ELMO1: variants seen among roughly 807,000 people sequenced by gnomAD.
ELMO1 encodes engulfment and cell motility 1.
Under a neutral mutation model 98.9 loss-of-function variants are expected in ELMO1, and 26 were observed. The ratio of observed to expected loss-of-function variants is 0.26; its 90% confidence interval spans 0.19 to 0.36. The LOEUF (loss-of-function observed/expected upper bound fraction) is 0.36, where lower values mean the gene tolerates loss of function less well. ELMO1 is among the 10% of genes least tolerant of loss of function. The pLI, the probability that ELMO1 is intolerant of heterozygous loss-of-function variation, is 1.00. For missense variants in ELMO1, 627 were observed against 935.2 expected (o/e 0.67, Z 4.30); for synonymous variants, 346 against 346.0 (o/e 1.00, Z 0.00).
intron 16 of ELMO1, among the ~76,000 whole-genome samples, chr7:36,941,375 GCT>G (rs1787020878): frequency 1.3e-5 from 2 of 152,312 alleles, no homozygotes; most frequent in South Asian, 4.1e-4. Context: ...TTCAGAGTAA[GCT>G]CTGGGTTACA....
intron 14 of ELMO1, among the ~76,000 whole-genome samples, chr7:37,112,503 A>G (rs1395296490): frequency 2.0e-5 from 3 of 152,206 alleles, no homozygotes; most frequent in Non-Finnish European, 2.9e-5. Context: ...GATCTTGGCA[A>G]ATGCAAGTTT....
intron 8 of ELMO1, among the ~76,000 whole-genome samples, chr7:37,229,265 C>T (rs577766281): frequency 6.6e-6 from 1 of 152,028 alleles, no homozygotes. Flanking sequence ...AGGGAAAAAC[C>T]AACTCATAAC....
intron 14 of ELMO1, among the ~76,000 whole-genome samples, chr7:37,132,158 C>CTGGTTT (rs1378973816): frequency 6.6e-6 from 1 of 152,162 alleles, no homozygotes; most frequent in Non-Finnish European, 1.5e-5. Context: ...ACACTGACAT[C>CTGGTTT]ACTAGATGAT....
chr7:37,208,682 T>C (rs960537956), intron 13 of ELMO1, among the ~76,000 whole-genome samples: 3 of 152,338 alleles, frequency 2.0e-5, no homozygotes, highest in South Asian at 2.1e-4. Flanking sequence ...CATGCGGTTC[T>C]GTTTACTGAG....
chr7:37,237,904 A>G (rs1794564925), intron 7 of ELMO1, among the ~76,000 whole-genome samples: 2 of 152,206 alleles, frequency 1.3e-5, no homozygotes, highest in African/African-American at 4.8e-5. Context: ...TGATCTGTTT[A>G]TCTACCCCCT....
chr7:36,919,759 A>G (rs1338011141), intron 16 of ELMO1, among the ~76,000 whole-genome samples: 3 of 152,256 alleles, frequency 2.0e-5, no homozygotes, highest in African/African-American at 7.2e-5. Context: ...CACGGGGAAG[A>G]GTTTCTGCAA....
chr7:37,070,577 G>A (rs1458993836), intron 15 of ELMO1, among the ~76,000 whole-genome samples: 1 of 152,164 alleles, frequency 6.6e-6, no homozygotes, highest in African/African-American at 2.4e-5. Context: ...ACCAAGATCA[G>A]CAAATACACG....
At chr7:36,991,824 T>A (rs980302454) in intron 16 of ELMO1, among the ~76,000 whole-genome samples, 6 of 152,154 alleles carry the variant, frequency 3.9e-5, no homozygotes, top group African/African-American at 1.4e-4. Flanking sequence ...CATGGGCCTA[T>A]GCTATAAAAG....
intron 1 of ELMO1, among the ~76,000 whole-genome samples, chr7:37,403,333 G>A (rs1411623400): frequency 6.6e-6 from 1 of 152,084 alleles, no homozygotes; most frequent in Non-Finnish European, 1.5e-5. Flanking sequence ...TGAGGTAGGA[G>A]GATCACTGGA....
intron 4 of ELMO1, among the ~76,000 whole-genome samples, chr7:37,275,768 T>A (rs1360406430): frequency 6.6e-6 from 1 of 152,214 alleles, no homozygotes; most frequent in African/African-American, 2.4e-5. Flanking sequence ...AGGAGATATG[T>A]AGAACTACTA....
intron 15 of ELMO1, chr7:37,033,198 C>G: frequency 1.2e-5 from 4 of 325,962 alleles, no homozygotes; most frequent in East Asian, 7.9e-5. Context: ...GTGTGCAGTT[C>G]TGGGTGGGTT....
rs184116156 is a variant in ELMO1, at chr7:37,001,041, T to C, written c.1437+12258A>G. ...TTTCTTTTGCAAAAGTTCAATGTCT[T>C]TGAAGCTTTCTATTCACCTTATATA... On this transcript the variant is annotated intron_variant, in intron 16 of 21. Coordinates refer to ENST00000310758, the MANE Select transcript of ELMO1 (RefSeq NM_014800.11). Among the ~76,000 whole-genome samples the C allele has an allele frequency of 1.2e-4, 19 of 152,256 alleles. No homozygotes were observed. The East Asian group carries it at 3.5e-3, about 28-fold the overall frequency.
chr7:37,339,664 T>C (rs1800612208), intron 2 of ELMO1, among the ~76,000 whole-genome samples: 1 of 151,992 alleles, frequency 6.6e-6, no homozygotes, highest in Non-Finnish European at 1.5e-5. Flanking sequence ...AGAAACAACA[T>C]CTGACAGCAA....
At chr7:36,892,174 A>G (rs1183160403) in intron 17 of ELMO1, among the ~76,000 whole-genome samples, 2 of 152,222 alleles carry the variant, frequency 1.3e-5, no homozygotes, top group Non-Finnish European at 2.9e-5. Context: ...AGTGGTCTGC[A>G]TGGAGCTGAG....
Position 37,259,188 on chromosome 7 carries a change from C to T in ELMO1, c.406G>A (p.Gly136Ser), listed in dbSNP as rs1043529201. 4 of 1,613,160 alleles carry T rather than the reference C, an allele frequency of 2.5e-6. No homozygotes were observed. The highest frequency in any genetic ancestry group is 3.4e-6 in the Non-Finnish European group (4 of 1,179,546). ...ISLLTQMVES[G>S]TERYQKLQKI... The stretch of plus-strand genomic sequence containing the variant: ...AGGAAAAAAGACGCTTACTCAGTGC[C>T]GCTCTCCACCATCTGCGTGAGGAGA... The change falls in exon 6 of 22, where the codon GGC (glycine) becomes AGC (serine). Residue 136 changes from glycine (G) to serine (S), a missense_variant. This residue lies in a region of ELMO1 where 12 missense variants were observed against 48.6 expected (regional missense o/e 0.25). Coordinates refer to ENST00000310758, the MANE Select transcript of ELMO1 (RefSeq NM_014800.11).
intron 1 of ELMO1, among the ~76,000 whole-genome samples, chr7:37,354,499 G>C (rs1051850297): frequency 1.2e-4 from 19 of 152,270 alleles, no homozygotes; most frequent in African/African-American, 4.6e-4. Flanking sequence ...AACAAGATGA[G>C]ACCTGAGCTG....
At chr7:37,133,288 C>A in intron 13 of ELMO1, 54 bp from the exon 14 acceptor site, 2 of 1,394,568 alleles carry the variant, frequency 1.4e-6, no homozygotes, top group Admixed American at 1.8e-5. Context: ...ATTTTACCAA[C>A]CACCAGAGAT....
intron 10 of ELMO1, chr7:37,217,860 C>T: frequency 8.9e-6 from 4 of 451,328 alleles, no homozygotes; most frequent in Non-Finnish European, 8.9e-6. Flanking sequence ...TTTGAACGCC[C>T]CTGCTGACCC....
At chr7:36,919,633 CCAAT>C (rs1254183647) in intron 16 of ELMO1, among the ~76,000 whole-genome samples, 2 of 152,116 alleles carry the variant, frequency 1.3e-5, no homozygotes, top group South Asian at 2.1e-4. Flanking sequence ...GAGGCTGCTG[CCAAT>C]CAAAGTGTGT....
Sources: gnomAD v4.1 joint callset for allele counts (sites outside exome capture counted in the v4.1 genomes callset) on GRCh38, gnomAD v4.1.1 for gene constraint, gnomAD v4.1.1 regional missense constraint, MANE v1.5 for transcripts, NCBI Gene and HGNC (gene_info 2026-07-23, HGNC 2026-07-21) for gene names.